PAPLN: variants seen among roughly 807,000 people sequenced by gnomAD.
PAPLN encodes papilin, proteoglycan like sulfated glycoprotein, also known as papilin.
A neutral mutation model predicts 159.0 loss-of-function variants in PAPLN; 146 were observed. That is an observed-to-expected ratio of 0.92 (90% CI 0.80 to 1.05). The LOEUF (loss-of-function observed/expected upper bound fraction) is 1.05. Ranked by LOEUF, PAPLN falls within the 50% of genes least tolerant of loss-of-function variation. The pLI, the probability that PAPLN is intolerant of heterozygous loss-of-function variation, is 0.00. For missense variants in PAPLN, 1,720 were observed against 1,743.9 expected, an observed-to-expected ratio of 0.99 and a Z score of 0.24; for synonymous variants, 734 against 702.9, an observed-to-expected ratio of 1.04 and a Z score of -0.70.
rs1257433091 is a variant in PAPLN at position 73,251,937 on chromosome 14, G to A, written c.844-81G>A. 2.6e-6 allele frequency: 4 copies of A among 1,550,542 alleles called. No individual in the cohort carries two copies. The African/African-American group carries it at 5.5e-5, about 21-fold the overall frequency. ...GGGGTTGAGTGGCTCTGGGCTTGAG[G>A]CTGGCAGGGGGCTGTGAGGCTGCGG... On this transcript the variant is annotated intron_variant, in intron 9 of 26. Coordinates refer to ENST00000644200, the MANE Select transcript of PAPLN (RefSeq NM_001365906.3).
intron 26 of PAPLN, 87 bp from the exon 27 acceptor site, chr14:73,272,408 C>A: frequency 7.7e-7 from 1 of 1,292,236 alleles, no homozygotes; most frequent in Non-Finnish European, 1.0e-6. Flanking sequence ...ATGCTGTGTT[C>A]CTTTGAAGGA....
chr14:73,250,395 ACAGCCG>A (rs1885107378), intron 6 of PAPLN, among the ~76,000 whole-genome samples: 1 of 152,200 alleles, frequency 6.6e-6, no homozygotes, highest in Admixed American at 6.5e-5. Flanking sequence ...AACAGCAGGG[ACAGCCG>A]CAGGCGCATG....
chr14:73,264,679 T>G lies in PAPLN; in HGVS notation c.3078T>G (p.Ala1026=), dbSNP rs745591749. 6.8e-6 allele frequency: 11 copies of G among 1,611,554 alleles called. No homozygotes were observed. The highest frequency in any genetic ancestry group is 9.3e-6 in the Non-Finnish European group (11 of 1,179,424). ...PAQDFGQAGA[A]GPLGAIPSSH... is the part of the protein sequence containing the mutation. ...AGGACTTTGGCCAAGCGGGGGCTGC[T>G]GGGCCCCTGGGGGCCATCCCCTCTT... The change falls in exon 22 of 27, where the codon GCT becomes GCG. Residue 1026 remains alanine (A), a synonymous_variant. Coordinates refer to ENST00000644200, the MANE Select transcript of PAPLN (RefSeq NM_001365906.3).
At chr14:73,244,455 G>A (rs1883961607) in intron 2 of PAPLN, 189 bp from the exon 3 acceptor site, 1 of 556,146 alleles carries the variant, frequency 1.8e-6, no homozygotes, top group Non-Finnish European at 3.2e-6. Context: ...AGGAAAGCAG[G>A]CTAATTCTGA....
In PAPLN at chr14:73,264,246, AC is replaced by A. The variant is rs1566704930; in HGVS notation, c.2902del (p.Leu968CysfsTer28). ...CAGTTCGACGGATCCCTGATCATCC[AC>A]CCCCTGCAGGCAGAGGACGCGGGCA... ...RLQFDGSLII[H>X]PLQAEDAGTY... On this transcript the variant is annotated frameshift_variant, in exon 21 of 27. Transcript: ENST00000644200. LOFTEE classifies it high-confidence loss of function. 1.2e-6 allele frequency: 2 copies of A among 1,613,112 alleles called. No individual in the cohort carries two copies. The highest frequency in any genetic ancestry group is 1.7e-6 in the Non-Finnish European group (2 of 1,179,804).
chr14:73,249,233 T>G (rs1389234422), intron 5 of PAPLN, among the ~76,000 whole-genome samples: 2 of 152,262 alleles, frequency 1.3e-5, no homozygotes, highest in Non-Finnish European at 2.9e-5. Flanking sequence ...TCTCCATATA[T>G]GCTTACATAT....
At chr14:73,236,688 C>T (rs1274061436), upstream of PAPLN, among the ~76,000 whole-genome samples, 3 of 151,758 alleles carry the variant, frequency 2.0e-5, no homozygotes, top group Admixed American at 6.6e-5. Flanking sequence ...ATCATACAGA[C>T]GCCTGTAATC....
Position 73,262,665 on chromosome 14 carries a change from C to T in PAPLN, c.2561C>T (p.Ser854Phe). ...GAAVQRKPWP[S>F]GGLWRQDQQP... Reference sequence around the variant, plus strand: ...GCGGTGCAGAGAAAGCCCTGGCCTTCTGGTGGTCTCTGGCGGCAAGACCAA... The same window carrying T: ...GCGGTGCAGAGAAAGCCCTGGCCTTTTGGTGGTCTCTGGCGGCAAGACCAA... The change falls in exon 19 of 27, where the codon TCT becomes TTT. Residue 854 changes from serine (S) to phenylalanine (F), a missense_variant. Transcript: ENST00000644200. The T allele has an allele frequency of 6.7e-7, 1 of 1,501,980 alleles. No individual in the cohort carries two copies. The allele number at this position is 1,501,980 out of a possible 1,614,324, so 93.0% of individuals were successfully genotyped here. A position where few individuals can be genotyped will look rare whatever the true frequency, so the allele number is the denominator to read the frequency against.
chr14:73,259,658 A>C, intron 16 of PAPLN, 113 bp downstream of exon 16: 1 of 1,304,608 alleles, frequency 7.7e-7, no homozygotes, highest in Non-Finnish European at 9.9e-7. Flanking sequence ...TGCAGAGCTC[A>C]GGAATAGGAT....
intron 14 of PAPLN, among the ~76,000 whole-genome samples, chr14:73,256,974 ATTTAC>A (rs1338869599): frequency 1.6e-4 from 25 of 152,242 alleles, no homozygotes; most frequent in African/African-American, 5.8e-4. Context: ...TGGAATATTA[ATTTAC>A]TTTATTATTA....
In PAPLN at chr14:73,268,629, C is replaced by A. The variant is rs1438731406; in HGVS notation, c.3573C>A (p.Asn1191Lys). Reference sequence around the variant, plus strand: ...CAGATGGCACGCTGCTCATTTACAACTTGCGGGCCAGGGATGAGGGCTCCT... The same window carrying A: ...CAGATGGCACGCTGCTCATTTACAAATTGCGGGCCAGGGATGAGGGCTCCT... ...QSPDGTLLIY[N>K]LRARDEGSYT... The change falls in exon 26 of 27, where the codon AAC becomes AAA. Residue 1191 changes from asparagine (N) to lysine (K), a missense_variant. Asn to Lys is a moderately conservative substitution (Grantham distance 94). Transcript: ENST00000644200. The A allele has an allele frequency of 6.2e-7, 1 of 1,614,104 alleles. No individual in the cohort carries two copies. The highest frequency in any genetic ancestry group is 1.1e-5 in the South Asian group (1 of 91,078).
At chr14:73,240,382 G>C (rs1883409417) in intron 2 of PAPLN, among the ~76,000 whole-genome samples, 1 of 151,846 alleles carries the variant, frequency 6.6e-6, no homozygotes, top group Non-Finnish European at 1.5e-5. Flanking sequence ...TTGAAATGTG[G>C]GTGAGGTGAG....
At position 73,251,823 on chromosome 14, in the gene PAPLN, C is replaced by T; in HGVS notation, c.830C>T (p.Pro277Leu). Reference protein sequence around the residue: ...RLHARGPTSEPLVIELISQEP... With the variant: ...RLHARGPTSELLVIELISQEP... Reference sequence around the variant, plus strand: ...CATGCCCGGGGCCCCACCTCGGAGCCCCTGGTCATCGAGGTAAATGGGGGT... The same window carrying T: ...CATGCCCGGGGCCCCACCTCGGAGCTCCTGGTCATCGAGGTAAATGGGGGT... Residue 277 changes from proline to leucine, a missense_variant, in exon 9 of 27, where the codon CCC becomes CTC. Pro to Leu is a moderately conservative substitution (Grantham distance 98). Coordinates refer to ENST00000644200, the MANE Select transcript of PAPLN (RefSeq NM_001365906.3). 6.3e-7 allele frequency: 1 copy of T among 1,595,312 alleles called. No individual in the cohort carries two copies.
intron 22 of PAPLN, 84 bp downstream of exon 22, chr14:73,264,810 G>A (rs1887052748): frequency 3.8e-6 from 6 of 1,584,758 alleles, no homozygotes; most frequent in Admixed American, 1.9e-5. Context: ...GGGAACGTCT[G>A]CTGTGACCAG....
rs953642293 is a variant in PAPLN at position 73,268,116 on chromosome 14, C to T, written c.3501-441C>T. Among the ~76,000 whole-genome samples, 4 of 151,958 alleles carry T rather than the reference C, an allele frequency of 2.6e-5. No individual in the cohort carries two copies. In the East Asian group the frequency reaches 7.8e-4, roughly 29 times the overall value. Reference sequence around the variant, plus strand: ...GCTCCTTCTTGAAATTCTCCCTTCCCTCTGCTCCAGGAACTACTGTCTTCT... The same window carrying T: ...GCTCCTTCTTGAAATTCTCCCTTCCTTCTGCTCCAGGAACTACTGTCTTCT... On this transcript the variant is annotated intron_variant, in intron 25 of 26. Transcript: ENST00000644200.
Position 73,250,910 on chromosome 14 carries a change from G to T in PAPLN, c.469G>T (p.Val157Phe). 6.2e-7 allele frequency: 1 copy of T among 1,611,906 alleles called. No individual in the cohort carries two copies. The highest frequency in any genetic ancestry group is 8.5e-7 in the Non-Finnish European group (1 of 1,179,114). The change falls in exon 7 of 27, where the codon GTC (valine) becomes TTC (phenylalanine). Residue 157 changes from valine (V) to phenylalanine (F), a missense_variant. By Grantham distance (50) the Val-to-Phe change is conservative. Transcript: ENST00000644200. Reference sequence around the variant, plus strand: ...CCTCCCGCATCTCTGCCCACAGGTTGTCGGCTGTGATCACGAGCTGGACTC... The same window carrying T: ...CCTCCCGCATCTCTGCCCACAGGTTTTCGGCTGTGATCACGAGCTGGACTC... Reference protein sequence around the residue: ...DVCVDGSCRVVGCDHELDSSK... With the variant: ...DVCVDGSCRVFGCDHELDSSK...
At position 73,245,939 on chromosome 14, in the gene PAPLN, G is replaced by A. The variant is rs1261423691; in HGVS notation, c.232-134G>A. On this transcript the variant is annotated intron_variant, in intron 4 of 26. Transcript: ENST00000644200. This position sits in a 1 kb window ranked among gnomAD's most constrained non-coding sequence, Gnocchi z 4.2. ...GCACAGGAGTTCGGGGGTCCGGGGG[G>A]CGGACTCCACCTCCGGCGGCTCCGA... is the stretch of plus-strand genomic sequence containing the variant. The A allele has an allele frequency of 5.1e-6, 5 of 984,224 alleles. No individual in the cohort carries two copies. The African/African-American group carries it at 6.7e-5, about 13-fold the overall frequency. The allele number at this position is 984,224 out of a possible 1,614,324, so 61.0% of individuals were successfully genotyped here.
chr14:73,263,919 A>C, intron 20 of PAPLN, 137 bp downstream of exon 20: 1 of 829,122 alleles, frequency 1.2e-6, no homozygotes, highest in Non-Finnish European at 1.8e-6. Context: ...TGTGTGTGAC[A>C]GCCCCCCTAC....
chr14:73,236,065 G>C (rs1218459328), upstream of PAPLN, among the ~76,000 whole-genome samples: 1 of 152,194 alleles, frequency 6.6e-6, no homozygotes, highest in Non-Finnish European at 1.5e-5. Context: ...AAGGGGACCA[G>C]CCTTTGCCAC....
Sources: allele counts gnomAD v4.1 joint callset (sites outside exome capture counted in the v4.1 genomes callset), GRCh38; gene constraint gnomAD v4.1.1; non-coding constraint Gnocchi (gnomAD v3.1); transcripts MANE v1.5; gene names NCBI Gene and HGNC (gene_info 2026-07-23, HGNC 2026-07-21).